The following CDK13 variants were observed in gnomAD, a reference collection of about 807,000 sequenced individuals.
CDK13 encodes cyclin dependent kinase 13.
Under a neutral mutation model 137.6 loss-of-function variants are expected in CDK13, and 40 were observed. The observed-to-expected ratio is 0.29, with a 90% CI of 0.23 to 0.38. The LOEUF (loss-of-function observed/expected upper bound fraction) is 0.38, where lower values mean the gene tolerates loss of function less well. Among genes scored for constraint, CDK13 ranks in the 10% least tolerant of loss-of-function variants. CDK13 has a pLI of 1.00. For synonymous variants in CDK13, 869 were observed against 760.1 expected (o/e 1.14, Z -2.36); for missense variants, 1,704 against 1,951.8 (o/e 0.87, Z 2.39).
chr7:40,093,663 G>T (rs1183855942), intron 13 of CDK13, among the ~76,000 whole-genome samples: 1 of 152,124 alleles, frequency 6.6e-6, no homozygotes, highest in Non-Finnish European at 1.5e-5. Context: ...CCAGCACTTT[G>T]AGAAGCTGAA....
In CDK13 at chr7:40,078,436, A is replaced by G. The variant is rs575995039; in HGVS notation, c.2898-284A>G. 3.3e-4 allele frequency: 94 copies of G among 280,816 alleles called. 1 individual carries two copies. The East Asian group carries it at 4.8e-3, about 14-fold the overall frequency. 17.4% of individuals were successfully genotyped at this position (280,816 alleles called of 1,614,324 possible). A position where few individuals can be genotyped will look rare whatever the true frequency, so the allele number is the denominator to read the frequency against. ...TGCTTTAGAAAAAACTATACTGTTC[A>G]GTTCTTAATTTGTATAATAACAGCA... On this transcript the variant is annotated intron_variant, in intron 10 of 13. Coordinates refer to ENST00000181839, the MANE Select transcript of CDK13 (RefSeq NM_003718.5).
At chr7:40,035,393 G>A (rs1785459794) in intron 5 of CDK13, among the ~76,000 whole-genome samples, 1 of 152,078 alleles carries the variant, frequency 6.6e-6, no homozygotes, top group South Asian at 2.1e-4. Context: ...TAGGAGGTGA[G>A]TGGAAGGTGA....
rs777421080 is a variant in CDK13 at position 40,062,934 on chromosome 7, T to G, written c.2702+7T>G. The G allele has an allele frequency of 3.7e-6, 6 of 1,608,468 alleles. No individual in the cohort carries two copies. The South Asian group carries it at 4.4e-5, about 12-fold the overall frequency. On this transcript the variant is annotated splice_region_variant and intron_variant, in intron 8 of 13. Coordinates refer to ENST00000181839, the MANE Select transcript of CDK13 (RefSeq NM_003718.5). ...TTGATGTATGGAGCTGTGGGTAAGATAGCCTTATTTACTGGTTTATTTTAC... is the reference window on the plus strand; with the variant it reads ...TTGATGTATGGAGCTGTGGGTAAGAGAGCCTTATTTACTGGTTTATTTTAC...
chr7:39,974,808 C>T (rs1307092271), intron 1 of CDK13, among the ~76,000 whole-genome samples: 2 of 152,178 alleles, frequency 1.3e-5, no homozygotes, highest in Non-Finnish European at 2.9e-5. Flanking sequence ...AGGTGATCCA[C>T]CCACCTTGAC....
intron 5 of CDK13, among the ~76,000 whole-genome samples, chr7:40,022,160 AGG>A (rs1562733712): frequency 2.0e-5 from 3 of 152,152 alleles, no homozygotes; most frequent in Non-Finnish European, 4.4e-5. Flanking sequence ...GAGTTTTCTT[AGG>A]GCCTCTTTTT....
chr7:40,036,075 G>T (rs903036714), intron 5 of CDK13, among the ~76,000 whole-genome samples: 3 of 151,566 alleles, frequency 2.0e-5, no homozygotes, highest in Non-Finnish European at 4.4e-5. Context: ...GAGGCAGGAG[G>T]AGGAGCACTT....
intron 3 of CDK13, 159 bp from the exon 4 acceptor site, chr7:39,999,202 C>G (rs1295770554): frequency 2.1e-6 from 1 of 484,564 alleles, no homozygotes; most frequent in Non-Finnish European, 3.5e-6. Flanking sequence ...CTTACAATAC[C>G]AAATCAGTGT....
chr7:39,955,103 T>C (rs1787369026), intron 1 of CDK13, among the ~76,000 whole-genome samples: 1 of 152,200 alleles, frequency 6.6e-6, no homozygotes, highest in Admixed American at 6.5e-5. Flanking sequence ...CTTTACTACT[T>C]GACTGTTGGG....
intron 11 of CDK13, among the ~76,000 whole-genome samples, chr7:40,079,495 G>T (rs1476549106): frequency 6.6e-6 from 1 of 152,060 alleles, no homozygotes; most frequent in Non-Finnish European, 1.5e-5. Flanking sequence ...TACTGGTACA[G>T]CTATAGCCAT....
intron 5 of CDK13, among the ~76,000 whole-genome samples, chr7:40,040,284 A>C (rs1344903734): frequency 6.6e-6 from 1 of 152,232 alleles, no homozygotes; most frequent in Non-Finnish European, 1.5e-5. Flanking sequence ...AATACCACCA[A>C]TTAAAAAGTC....
intron 1 of CDK13, among the ~76,000 whole-genome samples, chr7:39,966,686 G>A (rs982564431): frequency 8.5e-5 from 13 of 152,112 alleles, no homozygotes; most frequent in African/African-American, 2.4e-4. Flanking sequence ...GAGGAGAGGC[G>A]CTCTGATTTT....
rs758097392 is a variant in CDK13 at position 40,096,772 on chromosome 7, T to C, written c.*1792T>C. ...TACCATTTTACTACTATAAAATAAG[T>C]TGATATCAGTTGACCATTTTATTTT... On this transcript the variant is annotated 3_prime_UTR_variant, in exon 14 of 14. Transcript: ENST00000181839. The C allele has an allele frequency of 6.6e-6, 1 of 152,174 alleles. No homozygotes were observed. Among genetic ancestry groups the C allele is most frequent in the Non-Finnish European group, 1.5e-5 (1 of 68,002 alleles). The allele number at this position is 152,174 out of a possible 1,614,324, so 9.4% of individuals were successfully genotyped here.
At position 40,098,995 on chromosome 7, in the gene CDK13, G is replaced by C. The variant is rs1396880201; in HGVS notation, c.*4015G>C. On this transcript the variant is annotated 3_prime_UTR_variant, in exon 14 of 14. Transcript: ENST00000181839. Reference sequence around the variant, plus strand: ...GTTGAAAGAAGATTGGTTATCAGTAGGCTTGCAAACATAATTTGCTTTTAA... The same window carrying C: ...GTTGAAAGAAGATTGGTTATCAGTACGCTTGCAAACATAATTTGCTTTTAA... 1 of 151,566 alleles carries C rather than the reference G, an allele frequency of 6.6e-6. No individual in the cohort carries two copies. Among genetic ancestry groups the C allele is most frequent in the African/African-American group, 2.4e-5 (1 of 41,256 alleles). 9.4% of individuals were successfully genotyped at this position (151,566 alleles called of 1,614,324 possible).
intron 5 of CDK13, 75 bp downstream of exon 5, chr7:40,002,106 G>A: frequency 1.0e-6 from 1 of 979,694 alleles, no homozygotes; most frequent in Non-Finnish European, 1.5e-6. Context: ...TTTTTTTATA[G>A]ATGTGACTAT....
intron 1 of CDK13, among the ~76,000 whole-genome samples, chr7:39,981,970 TTC>T (rs1491377146): frequency 6.6e-6 from 1 of 151,300 alleles, no homozygotes; most frequent in Non-Finnish European, 1.5e-5. Flanking sequence ...TTTTTTTTTT[TTC>T]ACTATTGTGT....
intron 11 of CDK13, among the ~76,000 whole-genome samples, 160 bp downstream of exon 11, chr7:40,079,011 C>T (rs1786606808): frequency 6.6e-6 from 1 of 151,942 alleles, no homozygotes; most frequent in African/African-American, 2.4e-5. Flanking sequence ...ATTTGCACAT[C>T]TGGGATATAG....
rs1177988995 is a variant in CDK13 at position 40,095,022 on chromosome 7, A to C, written c.*42A>C. ...AGGCACATCATTTTTATCTGGAAAG[A>C]CTTTTCTAGCTGCAATTTAAGGCAG... On this transcript the variant is annotated 3_prime_UTR_variant, in exon 14 of 14. Transcript: ENST00000181839. 1 of 1,342,994 alleles carries C rather than the reference A, an allele frequency of 7.4e-7. No individual in the cohort carries two copies. Among genetic ancestry groups the C allele is most frequent in the Non-Finnish European group, 9.6e-7 (1 of 1,040,436 alleles). The allele number at this position is 1,342,994 out of a possible 1,614,324, so 83.2% of individuals were successfully genotyped here.
chr7:39,999,930 G>A (rs1430955176), intron 4 of CDK13, among the ~76,000 whole-genome samples: 2 of 152,058 alleles, frequency 1.3e-5, no homozygotes, highest in Non-Finnish European at 2.9e-5. Flanking sequence ...AGTTTTAGCA[G>A]CTTAATCTTT....
chr7:40,036,116 A>T (rs916672672), intron 5 of CDK13, among the ~76,000 whole-genome samples: 11 of 151,750 alleles, frequency 7.2e-5, no homozygotes, highest in African/African-American at 2.4e-4. Flanking sequence ...AGATTGTACC[A>T]CTGCACTCCA....
Sources: gnomAD v4.1 joint callset for allele counts (sites outside exome capture counted in the v4.1 genomes callset) on GRCh38, gnomAD v4.1.1 for gene constraint, MANE v1.5 for transcripts, NCBI Gene and HGNC (gene_info 2026-07-23, HGNC 2026-07-21) for gene names.